LRRC52: variants seen among roughly 807,000 people sequenced by gnomAD.
The protein encoded by LRRC52 is leucine-rich repeat-containing protein 52.
A neutral mutation model predicts 14.7 loss-of-function variants in LRRC52; 15 were observed. That is an observed-to-expected ratio of 1.02 (90% CI 0.68 to 1.58). LRRC52 has a LOEUF of 1.58. Ranked by LOEUF, LRRC52 falls within the 40% of genes most tolerant of loss-of-function variation. The pLI is 0.00. For synonymous variants in LRRC52, 180 were observed against 163.9 expected, an observed-to-expected ratio of 1.10 and a Z score of -0.75; for missense variants, 400 against 387.7, an observed-to-expected ratio of 1.03 and a Z score of -0.27.
intron 1 of LRRC52, among the ~76,000 whole-genome samples, chr1:165,556,718 G>A (rs1454524649): frequency 6.6e-6 from 1 of 152,236 alleles, no homozygotes; most frequent in Non-Finnish European, 1.5e-5. Context: ...CATGACAGCT[G>A]GGCAATGAGT....
chr1:165,544,364 G>A lies in LRRC52; in HGVS notation c.68G>A (p.Gly23Glu), dbSNP rs767831037. ...TCCTTTGGAATGGGGCTGGTATCAG[G>A]GTCAAAGTGTCCAAATAATTGTCTG... ...LFSFGMGLVS[G>E]SKCPNNCLCQ... is the part of the protein sequence containing the mutation. The change falls in exon 1 of 2, where the codon GGG becomes GAG. Residue 23 changes from glycine (G) to glutamate (E), a missense_variant. Physicochemically the swap from Gly to Glu is moderately conservative, Grantham distance 98 (BLOSUM62 -2). Transcript: ENST00000294818. The A allele has an allele frequency of 6.8e-6, 11 of 1,613,934 alleles. No individual in the cohort carries two copies. Among genetic ancestry groups the A allele is most frequent in the Non-Finnish European group, 9.3e-6 (11 of 1,180,020 alleles).
Position 165,544,232 on chromosome 1 carries a change from C to G in LRRC52, c.-65C>G. On this transcript the variant is annotated 5_prime_UTR_variant, in exon 1 of 2. Transcript: ENST00000294818. ...CTCCCCCGCCCCACCCCCCCACCGGCAGCCTTCGGATCAGAGGACAGAGCC... is the reference window on the plus strand; with the variant it reads ...CTCCCCCGCCCCACCCCCCCACCGGGAGCCTTCGGATCAGAGGACAGAGCC... 6.9e-6 allele frequency: 10 copies of G among 1,441,472 alleles called. 1 individual carries two copies. The highest frequency in any genetic ancestry group is 1.4e-5 in the South Asian group (1 of 73,440). The allele number at this position is 1,441,472 out of a possible 1,614,324, so 89.3% of individuals were successfully genotyped here. A position where few individuals can be genotyped will look rare whatever the true frequency, so the allele number is the denominator to read the frequency against.
At position 165,544,678 on chromosome 1, in the gene LRRC52, G is replaced by A. The variant is rs140229260; in HGVS notation, c.382G>A (p.Val128Met). 6 of 1,613,698 alleles carry A rather than the reference G, an allele frequency of 3.7e-6. No individual in the cohort carries two copies. The highest frequency in any genetic ancestry group is 1.7e-5 in the Admixed American group (1 of 59,956). Residue 128 changes from valine (V) to methionine (M), a missense_variant, in exon 1 of 2, where the codon GTG becomes ATG. Val to Met is a conservative substitution (Grantham distance 21, BLOSUM62 1). Coordinates refer to ENST00000294818, the MANE Select transcript of LRRC52 (RefSeq NM_001005214.4). The part of the protein sequence containing the change: ...PFTFSVLSNL[V>M]QLNIANNPHL... The stretch of plus-strand genomic sequence containing the variant: ...CACTTTCTCGGTGCTCAGCAACCTG[G>A]TGCAGCTGAACATTGCCAACAACCC...
At chr1:165,562,088 C>T (rs1476995974) in intron 1 of LRRC52, among the ~76,000 whole-genome samples, 1 of 152,230 alleles carries the variant, frequency 6.6e-6, no homozygotes, top group Non-Finnish European at 1.5e-5. Flanking sequence ...GTTTGCAAAT[C>T]CCACTTACGC....
intron 1 of LRRC52, among the ~76,000 whole-genome samples, chr1:165,548,515 G>T (rs967765960): frequency 2.6e-5 from 4 of 152,166 alleles, no homozygotes; most frequent in Non-Finnish European, 5.9e-5. Flanking sequence ...TGCCTGCTGG[G>T]GTGACAGGCA....
chr1:165,549,328 G>C (rs1005290343), intron 1 of LRRC52, among the ~76,000 whole-genome samples: 7 of 152,150 alleles, frequency 4.6e-5, no homozygotes, highest in Non-Finnish European at 2.9e-5. Flanking sequence ...CTACATTCTA[G>C]GGATGTGTAG....
chr1:165,557,792 A>G (rs1661268776), intron 1 of LRRC52, among the ~76,000 whole-genome samples: 1 of 152,214 alleles, frequency 6.6e-6, no homozygotes, highest in African/African-American at 2.4e-5. Flanking sequence ...TGATAGAAAC[A>G]TAATTTCCTC....
In LRRC52 at chr1:165,563,953, G is replaced by A; in HGVS notation, c.*129G>A. 1 of 989,024 alleles carries A rather than the reference G, an allele frequency of 1.0e-6. No individual in the cohort carries two copies. The highest frequency in any genetic ancestry group is 1.5e-6 in the Non-Finnish European group (1 of 678,044). The allele number at this position is 989,024 out of a possible 1,614,324, so 61.3% of individuals were successfully genotyped here. A position where few individuals can be genotyped will look rare whatever the true frequency, so the allele number is the denominator to read the frequency against. On this transcript the variant is annotated 3_prime_UTR_variant, in exon 2 of 2. Transcript: ENST00000294818. ...TAGTAAAATAAATAAAATCTCTGATGGCCATTTCACAGGTTGGTCCCTTCC... is the reference window on the plus strand; with the variant it reads ...TAGTAAAATAAATAAAATCTCTGATAGCCATTTCACAGGTTGGTCCCTTCC...
intron 1 of LRRC52, among the ~76,000 whole-genome samples, chr1:165,551,286 C>T (rs1052236234): frequency 1.3e-5 from 2 of 152,176 alleles, no homozygotes; most frequent in Non-Finnish European, 2.9e-5. Flanking sequence ...GCACAAGAAT[C>T]CCAGGTCCTA....
At chr1:165,561,575 A>C (rs976464948) in intron 1 of LRRC52, among the ~76,000 whole-genome samples, 5 of 151,702 alleles carry the variant, frequency 3.3e-5, no homozygotes, top group Non-Finnish European at 5.9e-5. Flanking sequence ...TCAGCCCTCA[A>C]CTCCTTTCCC....
chr1:165,544,228 C>CCCCCCCCCCCG lies in LRRC52; in HGVS notation c.-68_-67insCCCCCCCCCGC. The CCCCCCCCCCCG allele has an allele frequency of 1.4e-6, 2 of 1,460,382 alleles. No homozygotes were observed. The highest frequency in any genetic ancestry group is 1.8e-6 in the Non-Finnish European group (2 of 1,087,958). 90.5% of individuals were successfully genotyped at this position (1,460,382 alleles called of 1,614,324 possible). Reference sequence around the variant, plus strand: ...GCCCCTCCCCCGCCCCACCCCCCCACCGGCAGCCTTCGGATCAGAGGACAG... The same window carrying CCCCCCCCCCCG: ...GCCCCTCCCCCGCCCCACCCCCCCACCCCCCCCCCCGCGGCAGCCTTCGGATCAGAGGACAG... On this transcript the variant is annotated 5_prime_UTR_variant, in exon 1 of 2. Transcript: ENST00000294818.
intron 1 of LRRC52, among the ~76,000 whole-genome samples, chr1:165,560,654 C>G (rs1041807948): frequency 6.6e-6 from 1 of 152,116 alleles, no homozygotes; most frequent in African/African-American, 2.4e-5. Context: ...GGAATAGACG[C>G]ATTTAGGCTA....
In LRRC52 at chr1:165,544,136, T is replaced by G. The variant is rs1470381290; in HGVS notation, c.-161T>G. The G allele has an allele frequency of 1.1e-6, 1 of 888,796 alleles. No individual in the cohort carries two copies. The highest frequency in any genetic ancestry group is 1.7e-6 in the Non-Finnish European group (1 of 591,404). The allele number at this position is 888,796 out of a possible 1,614,324, so 55.1% of individuals were successfully genotyped here. A position where few individuals can be genotyped will look rare whatever the true frequency, so the allele number is the denominator to read the frequency against. ...GGGCATTGAGCCTCGCGTTTCAATT[T>G]CTGTTCAGTTCTCCTGTAATGGAAA... On this transcript the variant is annotated 5_prime_UTR_variant, in exon 1 of 2. Coordinates refer to ENST00000294818, the MANE Select transcript of LRRC52 (RefSeq NM_001005214.4).
At position 165,544,863 on chromosome 1, in the gene LRRC52, C is replaced by T; in HGVS notation, c.567C>T (p.Asn189=). ...LFLSGNPWKC[N]CSFLDFAIFL... ...TGAGTGGAAACCCCTGGAAGTGCAA[C>T]TGCTCTTTCCTGGACTTCGCCATCT... is the stretch of plus-strand genomic sequence containing the variant. The change falls in exon 1 of 2, where the codon AAC becomes AAT. Residue 189 remains asparagine, a synonymous_variant. Transcript: ENST00000294818. 1.2e-6 allele frequency: 2 copies of T among 1,613,954 alleles called. No homozygotes were observed. Among genetic ancestry groups the T allele is most frequent in the East Asian group, 2.2e-5 (1 of 44,882 alleles).
intron 1 of LRRC52, among the ~76,000 whole-genome samples, chr1:165,558,040 T>C (rs555278580): frequency 2.0e-5 from 3 of 152,330 alleles, no homozygotes; most frequent in East Asian, 3.9e-4. Context: ...TTTCCCCTTA[T>C]AACTGGCGGG....
In LRRC52 at chr1:165,548,994, T is replaced by C. The variant is rs551768344; in HGVS notation, c.622+4076T>C. ...GACTATAGAGATGCAGGCGGGAATA[T>C]AGATAGAATGTGGGAAGGTGGGTAG... On this transcript the variant is annotated intron_variant, in intron 1 of 1. Transcript: ENST00000294818. 4.6e-5 allele frequency among the ~76,000 whole-genome samples: 7 copies of C among 152,292 alleles called. 1 individual carries two copies. The South Asian group carries it at 1.5e-3, about 32-fold the overall frequency.
At position 165,550,527 on chromosome 1, in the gene LRRC52, A is replaced by G. The variant is rs568137340; in HGVS notation, c.622+5609A>G. Among the ~76,000 whole-genome samples, 13 of 152,296 alleles carry G rather than the reference A, an allele frequency of 8.5e-5. No homozygotes were observed. In the East Asian group the frequency reaches 9.6e-4, roughly 11 times the overall value. ...ATACTGGTTAGGGTAGCCTTTTAACATAGGATGTTTAAGCTGGAACTTTAG... is the reference window on the plus strand; with the variant it reads ...ATACTGGTTAGGGTAGCCTTTTAACGTAGGATGTTTAAGCTGGAACTTTAG... On this transcript the variant is annotated intron_variant, in intron 1 of 1. Transcript: ENST00000294818.
At chr1:165,560,621 GGGT>G (rs958500229) in intron 1 of LRRC52, among the ~76,000 whole-genome samples, 1 of 152,154 alleles carries the variant, frequency 6.6e-6, no homozygotes, top group African/African-American at 2.4e-5. Flanking sequence ...TCTGAGGACG[GGGT>G]GGTTGAGGGA....
chr1:165,561,490 T>C (rs1661344022), intron 1 of LRRC52, among the ~76,000 whole-genome samples: 2 of 152,178 alleles, frequency 1.3e-5, no homozygotes, highest in African/African-American at 4.8e-5. Flanking sequence ...CCAGGCCTCC[T>C]GGGCAAAGCC....
Sources: gnomAD v4.1 joint callset for allele counts (sites outside exome capture counted in the v4.1 genomes callset) on GRCh38, gnomAD v4.1.1 for gene constraint, MANE v1.5 for transcripts, NCBI Gene and HGNC (gene_info 2026-07-23, HGNC 2026-07-21) for gene names.